The following HS3ST4 variants were observed in gnomAD, a reference collection of about 807,000 sequenced individuals.
The protein encoded by HS3ST4 is heparan sulfate glucosamine 3-O-sulfotransferase 4.
In HS3ST4, 17 loss-of-function variants were observed where a neutral mutation model predicts 29.2. The ratio of observed to expected loss-of-function variants is 0.58; its 90% CI spans 0.40 to 0.87. The LOEUF is 0.87. Ranked by LOEUF, HS3ST4 falls within the 40% of genes least tolerant of loss-of-function variation. The pLI, the probability that HS3ST4 is intolerant of heterozygous loss-of-function variation, is 0.00. For synonymous variants in HS3ST4, 314 were observed against 285.7 expected, an observed-to-expected ratio of 1.10 and a Z score of -1.00; for missense variants, 627 against 634.5, an observed-to-expected ratio of 0.99 and a Z score of 0.13.
intron 1 of HS3ST4, among the ~76,000 whole-genome samples, chr16:25,889,094 C>T (rs1208125418): frequency 2.0e-5 from 3 of 152,196 alleles, no homozygotes; most frequent in Non-Finnish European, 4.4e-5. Flanking sequence ...AATCTGTTTT[C>T]CATCCTTGTC....
chr16:25,959,996 C>G (rs1434350823), intron 1 of HS3ST4, among the ~76,000 whole-genome samples: 1 of 152,048 alleles, frequency 6.6e-6, no homozygotes, highest in Non-Finnish European at 1.5e-5. Context: ...GTTAGTGGAG[C>G]ATGGTGTTGG....
At chr16:26,017,381 G>A (rs1486818267) in intron 1 of HS3ST4, among the ~76,000 whole-genome samples, 1 of 152,200 alleles carries the variant, frequency 6.6e-6, no homozygotes, top group African/African-American at 2.4e-5. Flanking sequence ...GGAAAAGTTG[G>A]AAAATGCGAC....
intron 1 of HS3ST4, among the ~76,000 whole-genome samples, chr16:25,717,257 C>G (rs1966460676): frequency 6.6e-6 from 1 of 152,196 alleles, no homozygotes; most frequent in South Asian, 2.1e-4. Context: ...TACGCAGAAG[C>G]AATGGATTCT....
intron 1 of HS3ST4, among the ~76,000 whole-genome samples, chr16:25,872,258 A>G (rs1967762417): frequency 6.6e-6 from 1 of 152,024 alleles, no homozygotes; most frequent in South Asian, 2.1e-4. Context: ...GGCTACTGAC[A>G]GAAAGAAATG....
chr16:26,049,632 C>G (rs1000472383), intron 1 of HS3ST4, among the ~76,000 whole-genome samples: 18 of 152,086 alleles, frequency 1.2e-4, no homozygotes, highest in African/African-American at 4.1e-4. Context: ...AGCAATTCTG[C>G]AGTGGACACC....
intron 1 of HS3ST4, among the ~76,000 whole-genome samples, chr16:25,994,293 C>T (rs941493816): frequency 6.6e-6 from 1 of 151,986 alleles, no homozygotes; most frequent in African/African-American, 2.4e-5. Context: ...GCTTCTCACA[C>T]TTTTATTTTT....
Position 25,966,861 on chromosome 16 carries a change from G to C in HS3ST4, c.735-168751G>C, listed in dbSNP as rs1385062095. On this transcript the variant is annotated intron_variant, in intron 1 of 1. Coordinates refer to ENST00000331351, the MANE Select transcript of HS3ST4 (RefSeq NM_006040.3). ...GTAAAAGCTCCAGTTCTGAGATGAAGTGGCTGGGCAGACACTGGAGGCAGA... is the reference window on the plus strand; with the variant it reads ...GTAAAAGCTCCAGTTCTGAGATGAACTGGCTGGGCAGACACTGGAGGCAGA... Among the ~76,000 whole-genome samples the C allele has an allele frequency of 2.0e-5, 3 of 152,212 alleles. No individual in the cohort carries two copies. In the East Asian group the frequency reaches 5.8e-4, roughly 29 times the overall value.
chr16:26,011,499 G>C (rs1483550066), intron 1 of HS3ST4, among the ~76,000 whole-genome samples: 1 of 152,178 alleles, frequency 6.6e-6, no homozygotes, highest in South Asian at 2.1e-4. Context: ...TGCAGAAGTT[G>C]CAGTGAGCTG....
At chr16:25,878,817 T>G (rs368772357) in intron 1 of HS3ST4, among the ~76,000 whole-genome samples, 1 of 152,168 alleles carries the variant, frequency 6.6e-6, no homozygotes, top group East Asian at 1.9e-4. Context: ...TTATCAACCT[T>G]TATTCAAACC....
At position 25,724,795 on chromosome 16, in the gene HS3ST4, C is replaced by T. The variant is rs559012566; in HGVS notation, c.734+31644C>T. Among the ~76,000 whole-genome samples, 8 of 152,220 alleles carry T rather than the reference C, an allele frequency of 5.3e-5. No homozygotes were observed. In the East Asian group the frequency reaches 1.2e-3, roughly 22 times the overall value. On this transcript the variant is annotated intron_variant, in intron 1 of 1. Coordinates refer to ENST00000331351, the MANE Select transcript of HS3ST4 (RefSeq NM_006040.3). ...CAGGTCACTGGCAACTTCGTTAACT[C>T]GTTGTGAATTAAAACAATGAGTTTG...
At chr16:25,731,801 C>T (rs780976563) in intron 1 of HS3ST4, among the ~76,000 whole-genome samples, 12 of 152,246 alleles carry the variant, frequency 7.9e-5, no homozygotes, top group African/African-American at 1.7e-4. Flanking sequence ...ACACAGACTC[C>T]GGTTGAGGCA....
At chr16:25,872,076 T>A (rs1296957797) in intron 1 of HS3ST4, among the ~76,000 whole-genome samples, 1 of 152,168 alleles carries the variant, frequency 6.6e-6, no homozygotes, top group African/African-American at 2.4e-5. Flanking sequence ...TCCACTTTGT[T>A]TGCGGGACTT....
intron 1 of HS3ST4, among the ~76,000 whole-genome samples, chr16:25,965,462 A>C (rs2141703913): frequency 6.6e-6 from 1 of 151,542 alleles, no homozygotes; most frequent in East Asian, 1.9e-4. Context: ...CAACGGGAGG[A>C]GTTTCCTCAG....
At chr16:26,046,971 T>G (rs1263561581) in intron 1 of HS3ST4, among the ~76,000 whole-genome samples, 1 of 152,180 alleles carries the variant, frequency 6.6e-6, no homozygotes, top group Non-Finnish European at 1.5e-5. Flanking sequence ...TGTTAACTAG[T>G]ACAATATGTT....
At position 25,999,884 on chromosome 16, in the gene HS3ST4, A is replaced by ATATATTTTATATATAT. The variant is rs1567290819; in HGVS notation, c.735-135723_735-135722insTTTATATATATTATAT. On this transcript the variant is annotated intron_variant, in intron 1 of 1. Transcript: ENST00000331351. ...ATATATTATATATTTTATATATATT[A>ATATATTTTATATATAT]TATATATATATTTTATATATATATA... 4.5e-3 allele frequency among the ~76,000 whole-genome samples: 544 copies of ATATATTTTATATATAT among 121,260 alleles called. 3 individuals carry two copies. The highest frequency in any genetic ancestry group is 0.017 in the African/African-American group (518 of 30,280). 79.6% of individuals were successfully genotyped at this position (121,260 alleles called of 152,430 possible).
intron 1 of HS3ST4, among the ~76,000 whole-genome samples, chr16:26,124,624 C>A (rs533430461): frequency 5.3e-5 from 8 of 152,174 alleles, no homozygotes; most frequent in Admixed American, 3.3e-4. Flanking sequence ...TTCAGACATG[C>A]CTGTGACCCC....
chr16:26,047,597 C>T (rs909877555), intron 1 of HS3ST4, among the ~76,000 whole-genome samples: 16 of 152,142 alleles, frequency 1.1e-4, no homozygotes, highest in African/African-American at 3.9e-4. Flanking sequence ...AAGAAGTCAT[C>T]CAGGTCACAC....
chr16:26,105,476 T>C (rs1899041485), intron 1 of HS3ST4, among the ~76,000 whole-genome samples: 1 of 152,224 alleles, frequency 6.6e-6, no homozygotes, highest in South Asian at 2.1e-4. Flanking sequence ...TACTTGCACA[T>C]ATACCCCTGT....
At chr16:25,826,531 A>G (rs1967217442) in intron 1 of HS3ST4, among the ~76,000 whole-genome samples, 1 of 152,202 alleles carries the variant, frequency 6.6e-6, no homozygotes, top group South Asian at 2.1e-4. Flanking sequence ...GAGGAAATCA[A>G]GGATATCAAG....
Sources: gnomAD v4.1 joint callset for allele counts (sites outside exome capture counted in the v4.1 genomes callset) on GRCh38, gnomAD v4.1.1 for gene constraint, MANE v1.5 for transcripts, NCBI Gene and HGNC (gene_info 2026-07-23, HGNC 2026-07-21) for gene names.